The following C8orf34 variants were observed in gnomAD, a reference collection of about 807,000 sequenced individuals.
C8orf34 encodes the protein chromosome 8 open reading frame 34.
Under a neutral mutation model 68.3 loss-of-function variants are expected in C8orf34, and 65 were observed. That is an observed-to-expected ratio of 0.95 (90% CI 0.78 to 1.17). The LOEUF (loss-of-function observed/expected upper bound fraction) is 1.17, where lower values mean the gene tolerates loss of function less well. Among genes scored for constraint, C8orf34 ranks in the 50% most tolerant of loss-of-function variants. C8orf34 has a pLI of 0.00. For synonymous variants in C8orf34, 244 were observed against 241.2 expected, an observed-to-expected ratio of 1.01 and a Z score of -0.11; for missense variants, 664 against 655.4, an observed-to-expected ratio of 1.01 and a Z score of -0.14.
intron 7 of C8orf34, among the ~76,000 whole-genome samples, chr8:68,564,749 A>G (rs1025795954): frequency 6.6e-5 from 10 of 152,204 alleles, no homozygotes; most frequent in African/African-American, 2.4e-4. Context: ...AATTTCCCAG[A>G]TGTCAATTTC....
At chr8:68,598,775 A>G (rs1817617552) in intron 7 of C8orf34, among the ~76,000 whole-genome samples, 1 of 152,194 alleles carries the variant, frequency 6.6e-6, no homozygotes, top group Non-Finnish European at 1.5e-5. Flanking sequence ...TCAGATCTGA[A>G]TAGAAAATTT....
At chr8:68,347,215 T>A (rs1047175459) in intron 1 of C8orf34, among the ~76,000 whole-genome samples, 2 of 152,098 alleles carry the variant, frequency 1.3e-5, no homozygotes, top group African/African-American at 4.8e-5. Context: ...CATGTGGTAT[T>A]TGGTTTTCTG....
chr8:68,529,550 A>G lies in C8orf34; in HGVS notation c.939-3433A>G, dbSNP rs77235637. 2.2e-3 allele frequency among the ~76,000 whole-genome samples: 329 copies of G among 152,340 alleles called. 1 individual carries two copies. Among genetic ancestry groups the G allele is most frequent in the African/African-American group, 7.5e-3 (311 of 41,574 alleles). On this transcript the variant is annotated intron_variant, in intron 6 of 13. Coordinates refer to ENST00000518698, the MANE Select transcript of C8orf34 (RefSeq NM_052958.4). ...TCCCACTCAGTGGGAATGCTGATAC[A>G]TAATGATGTAGAAATACTGAAGTAT...
In C8orf34 at chr8:68,573,545, C is replaced by T. The variant is rs145118735; in HGVS notation, c.1105+40396C>T. Among the ~76,000 whole-genome samples the T allele has an allele frequency of 1.3e-3, 200 of 152,176 alleles. 1 individual carries two copies. Among genetic ancestry groups the T allele is most frequent in the African/African-American group, 4.4e-3 (184 of 41,530 alleles). ...TATTCGTTGTACTAATAAGATTTTG[C>T]GGTTGTTTGTTATGATAATAGATGA... is the stretch of plus-strand genomic sequence containing the variant. On this transcript the variant is annotated intron_variant, in intron 7 of 13. Coordinates refer to ENST00000518698, the MANE Select transcript of C8orf34 (RefSeq NM_052958.4).
At chr8:68,426,518 C>CAAAAAAAAAAAAAAAAAAAAAAAAA (rs753578060) in intron 1 of C8orf34, among the ~76,000 whole-genome samples, 1 of 29,610 alleles carries the variant, frequency 3.4e-5, no homozygotes, top group African/African-American at 1.0e-4. Flanking sequence ...GACCTTGTCT[C>CAAAAAAAAAAAAAAAAAAAAAAAAA]AAAAAAAAAA....
At chr8:68,371,822 A>G (rs200739626) in intron 1 of C8orf34, among the ~76,000 whole-genome samples, 1 of 151,874 alleles carries the variant, frequency 6.6e-6, no homozygotes. Context: ...CTGGTCTCGA[A>G]CTCCTGACCT....
chr8:68,786,527 C>T (rs1331862858), intron 11 of C8orf34, among the ~76,000 whole-genome samples: 3 of 152,170 alleles, frequency 2.0e-5, no homozygotes, highest in African/African-American at 7.2e-5. Flanking sequence ...AGGAGTAACT[C>T]TGCCTTGCAG....
intron 10 of C8orf34, among the ~76,000 whole-genome samples, chr8:68,733,683 C>T (rs182071026): frequency 3.3e-5 from 5 of 152,148 alleles, no homozygotes; most frequent in Admixed American, 2.0e-4. Flanking sequence ...ATTTAGTTTG[C>T]TTATACAGAA....
intron 5 of C8orf34, among the ~76,000 whole-genome samples, chr8:68,494,787 C>A (rs1247729284): frequency 6.6e-6 from 1 of 151,536 alleles, no homozygotes; most frequent in Non-Finnish European, 1.5e-5. Context: ...ACACGGGAGG[C>A]GGAGGTTGCA....
intron 9 of C8orf34, among the ~76,000 whole-genome samples, chr8:68,718,490 T>A (rs1189888202): frequency 6.6e-6 from 1 of 152,194 alleles, no homozygotes; most frequent in Non-Finnish European, 1.5e-5. Context: ...ATTCAATTAT[T>A]AGTATACCTA....
At chr8:68,782,952 G>T (rs1008281555) in intron 11 of C8orf34, among the ~76,000 whole-genome samples, 1 of 151,312 alleles carries the variant, frequency 6.6e-6, no homozygotes, top group Non-Finnish European at 1.5e-5. Context: ...CGTGCCTGTA[G>T]TTCCAGCTAC....
chr8:68,708,711 C>A (rs1014476503), intron 8 of C8orf34, among the ~76,000 whole-genome samples: 1 of 152,228 alleles, frequency 6.6e-6, no homozygotes, highest in East Asian at 1.9e-4. Flanking sequence ...AGTGAAAATA[C>A]GTGCTTCTAA....
intron 8 of C8orf34, among the ~76,000 whole-genome samples, chr8:68,674,996 C>A (rs1014887332): frequency 7.9e-5 from 12 of 151,980 alleles, no homozygotes; most frequent in African/African-American, 2.9e-4. Context: ...GAGACCATGG[C>A]ATGACATATT....
At chr8:68,776,600 G>C (rs1324466804) in intron 11 of C8orf34, 151 bp downstream of exon 11, 1 of 569,468 alleles carries the variant, frequency 1.8e-6, no homozygotes. Flanking sequence ...ATAAATAATA[G>C]GTTAGCAAGA....
chr8:68,451,048 G>T (rs138237465), intron 3 of C8orf34, among the ~76,000 whole-genome samples: 1 of 152,216 alleles, frequency 6.6e-6, no homozygotes, highest in East Asian at 1.9e-4. Context: ...CTCGATTGGT[G>T]TGGCTTTTCC....
intron 10 of C8orf34, among the ~76,000 whole-genome samples, chr8:68,722,678 C>A (rs897812956): frequency 6.6e-6 from 1 of 151,836 alleles, no homozygotes; most frequent in Non-Finnish European, 1.5e-5. Flanking sequence ...CTGTCCATTT[C>A]TTTCCACTAT....
intron 8 of C8orf34, among the ~76,000 whole-genome samples, chr8:68,690,138 A>C (rs1245317753): frequency 6.6e-6 from 1 of 152,078 alleles, no homozygotes; most frequent in Non-Finnish European, 1.5e-5. Context: ...AAAAGTTCAA[A>C]TGAAGCAAAC....
intron 1 of C8orf34, among the ~76,000 whole-genome samples, chr8:68,391,165 A>C (rs1298536904): frequency 6.6e-6 from 1 of 152,116 alleles, no homozygotes; most frequent in African/African-American, 2.4e-5. Flanking sequence ...TACTTACTCC[A>C]TGAGTAGTAA....
At chr8:68,775,590 T>C (rs945756506) in intron 10 of C8orf34, among the ~76,000 whole-genome samples, 2 of 152,196 alleles carry the variant, frequency 1.3e-5, no homozygotes, top group African/African-American at 4.8e-5. Flanking sequence ...AAAGACTTAA[T>C]GTAAAGTCTG....
Sources: gnomAD v4.1 joint callset for allele counts (sites outside exome capture counted in the v4.1 genomes callset) on GRCh38, gnomAD v4.1.1 for gene constraint, MANE v1.5 for transcripts, NCBI Gene and HGNC (gene_info 2026-07-23, HGNC 2026-07-21) for gene names.